HK2: variants seen among roughly 807,000 people sequenced by gnomAD.
HK2 encodes the protein hexokinase 2, also known as hexokinase-2.
HK2 carries 42 observed loss-of-function variants against 92.9 expected under a neutral mutation model. The ratio of observed to expected loss-of-function variants is 0.45; its 90% confidence interval spans 0.35 to 0.58. HK2 has a LOEUF of 0.58. HK2 is among the 20% of genes least tolerant of loss of function. The probability of loss-of-function intolerance (pLI) is 0.00; values close to 1 mark genes in which losing one functional copy is unlikely to be tolerated. For synonymous variants in HK2, 422 were observed against 468.0 expected (o/e 0.90, Z 1.27); for missense variants, 978 against 1,245.1 (o/e 0.79, Z 3.23).
intron 1 of HK2, 68 bp from the exon 2 acceptor site, chr2:74,854,225 C>A: frequency 1.4e-6 from 2 of 1,442,076 alleles, no homozygotes; most frequent in Non-Finnish European, 1.9e-6. Flanking sequence ...AGTGGTGTTC[C>A]ATGACGTACA....
chr2:74,879,735 G>A (rs539714662), intron 9 of HK2, among the ~76,000 whole-genome samples: 20 of 152,208 alleles, frequency 1.3e-4, no homozygotes, highest in Non-Finnish European at 2.5e-4. Flanking sequence ...GGCTGAACAC[G>A]TTGTCTTTAG....
intron 12 of HK2, among the ~76,000 whole-genome samples, chr2:74,883,177 C>T (rs1484526212): frequency 1.3e-5 from 2 of 152,104 alleles, no homozygotes; most frequent in East Asian, 1.9e-4. Flanking sequence ...TGCACGCTGC[C>T]GGTGTGTGGT....
intron 3 of HK2, among the ~76,000 whole-genome samples, chr2:74,868,567 G>GT (rs1014992684): frequency 2.0e-5 from 3 of 152,242 alleles, no homozygotes; most frequent in South Asian, 2.1e-4. Context: ...TACTCTTCGT[G>GT]TTTTTTTCAC....
At chr2:74,854,545 T>C (rs928812476) in intron 2 of HK2, 90 bp downstream of exon 2, 5 of 1,399,516 alleles carry the variant, frequency 3.6e-6, no homozygotes, top group Non-Finnish European at 5.0e-6. Flanking sequence ...CTCAAAAGCC[T>C]CAGAAACCAA....
At chr2:74,838,625 A>G (rs604207) in intron 1 of HK2, among the ~76,000 whole-genome samples, 115,075 of 149,278 alleles carry the variant, frequency 0.77, 44,675 homozygotes, top group African/African-American at 0.89. Flanking sequence ...TGCAAACTCC[A>G]CCTCCCGGGT....
chr2:74,836,023 T>C (rs1688158376), intron 1 of HK2, among the ~76,000 whole-genome samples: 1 of 152,184 alleles, frequency 6.6e-6, no homozygotes, highest in African/African-American at 2.4e-5. Context: ...ACTTGGGTTT[T>C]ACTGTTTGTA....
Position 74,873,735 on chromosome 2 carries a change from G to A in HK2, c.592-109G>A, listed in dbSNP as rs1021540047. 18 of 700,322 alleles carry A rather than the reference G, an allele frequency of 2.6e-5. No individual in the cohort carries two copies. The African/African-American group carries it at 4.2e-4, about 16-fold the overall frequency. 43.4% of individuals were successfully genotyped at this position (700,322 alleles called of 1,614,324 possible). On this transcript the variant is annotated intron_variant, in intron 5 of 17. Coordinates refer to ENST00000290573, the MANE Select transcript of HK2 (RefSeq NM_000189.5). ...GGAGGAGTTATGGGGAGGGAGGGGG[G>A]AGAGAGAGAGAAGGAGGAGGAGGAG... is the stretch of plus-strand genomic sequence containing the variant.
chr2:74,884,518 A>G (rs1039186919), intron 12 of HK2, among the ~76,000 whole-genome samples: 6 of 152,114 alleles, frequency 3.9e-5, no homozygotes, highest in Admixed American at 2.6e-4. Flanking sequence ...GGTGGAGATC[A>G]GCACACACTG....
intron 12 of HK2, among the ~76,000 whole-genome samples, 200 bp from the exon 13 acceptor site, chr2:74,885,294 C>G (rs1353826188): frequency 6.6e-6 from 1 of 152,132 alleles, no homozygotes; most frequent in Non-Finnish European, 1.5e-5. Flanking sequence ...TATGCTTAGC[C>G]CAGTACCTGC....
At position 74,873,968 on chromosome 2, in the gene HK2, G is replaced by T. The variant is rs751829641; in HGVS notation, c.691+25G>T. Reference sequence around the variant, plus strand: ...GGTGAGTGAACACCGTGCATGAAGGGCCCGTGCTGGCCAAGGGATGGGGGT... The same window carrying T: ...GGTGAGTGAACACCGTGCATGAAGGTCCCGTGCTGGCCAAGGGATGGGGGT... On this transcript the variant is annotated intron_variant, in intron 6 of 17. Coordinates refer to ENST00000290573, the MANE Select transcript of HK2 (RefSeq NM_000189.5). The T allele has an allele frequency of 5.8e-6, 9 of 1,549,964 alleles. No individual in the cohort carries two copies. In the South Asian group the frequency reaches 8.9e-5, roughly 15 times the overall value.
At chr2:74,849,539 A>G (rs1558789828) in intron 1 of HK2, among the ~76,000 whole-genome samples, 1 of 152,144 alleles carries the variant, frequency 6.6e-6, no homozygotes, top group African/African-American at 2.4e-5. Flanking sequence ...TCTCCCAGAT[A>G]GAGATTTAAA....
chr2:74,837,740 A>C (rs528897323), intron 1 of HK2, among the ~76,000 whole-genome samples: 3 of 132,810 alleles, frequency 2.3e-5, no homozygotes, highest in Non-Finnish European at 4.6e-5. Context: ...CAGTGGCGCT[A>C]TCTCTGCTTA....
intron 2 of HK2, among the ~76,000 whole-genome samples, chr2:74,860,015 G>A (rs1688785750): frequency 6.6e-6 from 1 of 152,146 alleles, no homozygotes; most frequent in Non-Finnish European, 1.5e-5. Flanking sequence ...AATGTATTTT[G>A]CAGCATCATG....
chr2:74,858,572 C>T (rs1368347301), intron 2 of HK2, among the ~76,000 whole-genome samples: 1 of 152,196 alleles, frequency 6.6e-6, no homozygotes, highest in Admixed American at 6.5e-5. Flanking sequence ...CAAACCACCA[C>T]TGCAAAAGGC....
At chr2:74,882,039 T>C in intron 11 of HK2, 81 bp from the exon 12 acceptor site, 2 of 1,475,746 alleles carry the variant, frequency 1.4e-6, no homozygotes, top group Non-Finnish European at 9.5e-7. Flanking sequence ...GAAAGAAACA[T>C]TGATGTTGTG....
At chr2:74,874,528 G>A in intron 7 of HK2, 79 bp downstream of exon 7, 1 of 1,388,430 alleles carries the variant, frequency 7.2e-7, no homozygotes, top group Non-Finnish European at 9.9e-7. Flanking sequence ...CCAGGGGGTT[G>A]TTTCTTTACA....
chr2:74,855,986 T>G (rs1354533596), intron 2 of HK2, among the ~76,000 whole-genome samples: 2 of 151,566 alleles, frequency 1.3e-5, no homozygotes, highest in African/African-American at 2.4e-5. Flanking sequence ...TGACGGGTGG[T>G]GGGTGGGGGG....
At chr2:74,889,564 T>C in intron 17 of HK2, 86 bp downstream of exon 17, 2 of 896,582 alleles carry the variant, frequency 2.2e-6, no homozygotes, top group South Asian at 2.8e-5. Flanking sequence ...TTTGTTACTT[T>C]ATAGTGAATT....
intron 16 of HK2, 96 bp downstream of exon 16, chr2:74,888,154 T>C (rs1225883960): frequency 2.9e-6 from 4 of 1,361,596 alleles, no homozygotes; most frequent in East Asian, 2.3e-5. Flanking sequence ...GCATGACTCA[T>C]ACAAAAGTCA....
Sources: allele counts gnomAD v4.1 joint callset (sites outside exome capture counted in the v4.1 genomes callset), GRCh38; gene constraint gnomAD v4.1.1; transcripts MANE v1.5; gene names NCBI Gene and HGNC (gene_info 2026-07-23, HGNC 2026-07-21).